RNF20: variants seen among roughly 807,000 people sequenced by gnomAD.
RNF20 encodes ring finger protein 20.
In RNF20, 84 loss-of-function variants were observed where a neutral mutation model predicts 126.2. That is an observed-to-expected ratio of 0.67 (90% CI 0.56 to 0.80). The LOEUF is 0.80. RNF20 is among the 30% of genes least tolerant of loss of function. The pLI is 0.00. For missense variants in RNF20, 869 were observed against 1,188.2 expected, an observed-to-expected ratio of 0.73 and a Z score of 3.95; for synonymous variants, 400 against 414.3, an observed-to-expected ratio of 0.97 and a Z score of 0.42.
At chr9:101,560,540 A>T (rs1382426566) in intron 16 of RNF20, 1 of 282,722 alleles carries the variant, frequency 3.5e-6, no homozygotes, top group African/African-American at 2.2e-5. Context: ...ATTAGCATGC[A>T]TTCTCTATTT....
At chr9:101,556,062 A>G (rs1448619741) in intron 15 of RNF20, among the ~76,000 whole-genome samples, 3 of 151,764 alleles carry the variant, frequency 2.0e-5, no homozygotes, top group Admixed American at 2.0e-4. Flanking sequence ...TTATACTATT[A>G]TAGGTTCTAG....
chr9:101,535,381 G>A lies in RNF20; in HGVS notation c.-26-17G>A, dbSNP rs554807190. On this transcript the variant is annotated splice_polypyrimidine_tract_variant and intron_variant, in intron 1 of 19. Transcript: ENST00000389120. ...GCTTACATATATTATGTCAGTTTCTGCCTTTTTTTCTATCAGGAAAACGAC... is the reference window on the plus strand; with the variant it reads ...GCTTACATATATTATGTCAGTTTCTACCTTTTTTTCTATCAGGAAAACGAC... 30 of 1,596,208 alleles carry A rather than the reference G, an allele frequency of 1.9e-5. No homozygotes were observed. In the South Asian group the frequency reaches 3.1e-4, roughly 16 times the overall value.
intron 5 of RNF20, among the ~76,000 whole-genome samples, chr9:101,543,542 A>AACTGTCTAACCTGCCAGGGCGGC (rs1273449381): frequency 9.1e-5 from 12 of 131,746 alleles, no homozygotes; most frequent in Non-Finnish European, 1.4e-4. Context: ...GCCAGAGCGG[A>AACTGTCTAACCTGCCAGGGCGGC]ACTGTCTAAC....
intron 14 of RNF20, 40 bp from the exon 15 acceptor site, chr9:101,554,654 T>C (rs1827503232): frequency 6.3e-7 from 1 of 1,582,830 alleles, no homozygotes; most frequent in Non-Finnish European, 8.6e-7. Flanking sequence ...GAAAATGTGT[T>C]ATAACTTTTT....
At chr9:101,535,330 C>G (rs1032124015) in intron 1 of RNF20, 68 bp from the exon 2 acceptor site, 1 of 1,302,282 alleles carries the variant, frequency 7.7e-7, no homozygotes, top group Non-Finnish European at 1.0e-6. Context: ...AGTTTTTACT[C>G]TATTGTTTTA....
Position 101,552,697 on chromosome 9 carries a change from T to G in RNF20, c.1845T>G (p.His615Gln), listed in dbSNP as rs745330248. Residue 615 changes from histidine (H) to glutamine (Q), a missense_variant, in exon 13 of 20, where the codon CAT (histidine) becomes CAG (glutamine). Coordinates refer to ENST00000389120, the MANE Select transcript of RNF20 (RefSeq NM_019592.7). ...CTAAGGATAAAGAGAAAGGCAAACA[T>G]GATGATGGACGGAAAAAGGAAGCAG... ...DSAKDKEKGK[H>Q]DDGRKKEAEI... 1.9e-6 allele frequency: 3 copies of G among 1,582,752 alleles called. No homozygotes were observed. The South Asian group carries it at 3.3e-5, about 18-fold the overall frequency.
chr9:101,538,608 C>T (rs1236625484), intron 2 of RNF20, among the ~76,000 whole-genome samples: 1 of 152,028 alleles, frequency 6.6e-6, no homozygotes, highest in Non-Finnish European at 1.5e-5. Context: ...GTTTCTCATC[C>T]AAGTTTCAGT....
Position 101,562,328 on chromosome 9 carries a change from G to A in RNF20, c.2834G>A (p.Cys945Tyr). The A allele has an allele frequency of 1.2e-6, 2 of 1,614,042 alleles. No homozygotes were observed. The highest frequency in any genetic ancestry group is 1.7e-6 in the Non-Finnish European group (2 of 1,179,956). ...TKCFHVFCFE[C>Y]VKTRYDTRQR... Reference sequence around the variant, plus strand: ...TGTTTTCATGTCTTCTGCTTTGAGTGTGTGAAGACACGCTATGACACCCGC... The same window carrying A: ...TGTTTTCATGTCTTCTGCTTTGAGTATGTGAAGACACGCTATGACACCCGC... The change falls in exon 20 of 20, where the codon TGT becomes TAT. Residue 945 changes from cysteine to tyrosine, a missense_variant. Coordinates refer to ENST00000389120, the MANE Select transcript of RNF20 (RefSeq NM_019592.7).
intron 18 of RNF20, 103 bp downstream of exon 18, chr9:101,561,333 C>T (rs1827626198): frequency 3.2e-6 from 4 of 1,251,586 alleles, no homozygotes; most frequent in Middle Eastern, 2.1e-4. Flanking sequence ...TCATTTCCTA[C>T]TAGACTTGAG....
At position 101,534,036 on chromosome 9, in the gene RNF20, G is replaced by T. The variant is rs190557169; in HGVS notation, c.-27+122G>T. ...AGGAGTCTCCACCCTCTCCAGTTTTGGGGCCGTCAGTCTCCTGGGCCTGCA... is the reference window on the plus strand; with the variant it reads ...AGGAGTCTCCACCCTCTCCAGTTTTTGGGCCGTCAGTCTCCTGGGCCTGCA... On this transcript the variant is annotated intron_variant, in intron 1 of 19. Coordinates refer to ENST00000389120, the MANE Select transcript of RNF20 (RefSeq NM_019592.7). 2.3e-3 allele frequency: 352 copies of T among 152,360 alleles called. 3 individuals are homozygous for T. Among genetic ancestry groups the T allele is most frequent in the African/African-American group, 8.1e-3 (335 of 41,542 alleles). 9.4% of individuals were successfully genotyped at this position (152,360 alleles called of 1,614,324 possible).
At chr9:101,546,784 G>T (rs1418481204) in intron 6 of RNF20, 36 bp from the exon 7 acceptor site, 11 of 1,605,668 alleles carry the variant, frequency 6.9e-6, no homozygotes, top group Middle Eastern at 1.7e-4. Flanking sequence ...GTCTTTTTTT[G>T]CTATATGTTT....
At chr9:101,554,224 A>T (rs1201007549) in intron 14 of RNF20, 119 bp downstream of exon 14, 5 of 604,868 alleles carry the variant, frequency 8.3e-6, no homozygotes, top group Non-Finnish European at 1.5e-5. Context: ...TTTAAGTGCA[A>T]CATTTTCTGC....
At chr9:101,550,332 T>C (rs1168645943) in intron 9 of RNF20, among the ~76,000 whole-genome samples, 1 of 152,218 alleles carries the variant, frequency 6.6e-6, no homozygotes. Flanking sequence ...CAAATTTCAC[T>C]CTTCTGGTGG....
At chr9:101,561,346 A>C (rs990019602) in intron 18 of RNF20, 116 bp downstream of exon 18, 1 of 1,113,220 alleles carries the variant, frequency 9.0e-7, no homozygotes, top group African/African-American at 1.6e-5. Flanking sequence ...GACTTGAGGA[A>C]GTTTGTTGAG....
chr9:101,563,028 G>A lies in RNF20; in HGVS notation c.*606G>A, dbSNP rs939427613. The A allele has an allele frequency of 6.6e-6, 1 of 152,104 alleles. No individual in the cohort carries two copies. Among genetic ancestry groups the A allele is most frequent in the Non-Finnish European group, 1.5e-5 (1 of 68,018 alleles). 9.4% of individuals were successfully genotyped at this position (152,104 alleles called of 1,614,324 possible). On this transcript the variant is annotated 3_prime_UTR_variant, in exon 20 of 20. Transcript: ENST00000389120. ...CTTGTTAAGATCAGCTGGCTTTCTT[G>A]TTAAAGTTATTTAAGTTTTGAATGC...
At chr9:101,552,317 T>C (rs1827460055) in intron 12 of RNF20, 55 bp downstream of exon 12, 3 of 1,612,614 alleles carry the variant, frequency 1.9e-6, no homozygotes, top group African/African-American at 2.7e-5. Flanking sequence ...TAAAGCTGCT[T>C]TTGAATGAGG....
At chr9:101,551,518 T>G (rs548672747) in intron 10 of RNF20, among the ~76,000 whole-genome samples, 166 bp from the exon 11 acceptor site, 1 of 152,344 alleles carries the variant, frequency 6.6e-6, no homozygotes, top group East Asian at 1.9e-4. Context: ...GGTGGCCATT[T>G]TCTTTATTTT....
At position 101,535,510 on chromosome 9, in the gene RNF20, G is replaced by A; in HGVS notation, c.87G>A (p.Gly29=). 1 of 1,613,776 alleles carries A rather than the reference G, an allele frequency of 6.2e-7. No individual in the cohort carries two copies. The part of the protein sequence containing the change: ...PEKKAAVEDS[G]TTVETIKLGG... ...AGAAGGCAGCTGTTGAAGATTCAGG[G>A]ACCACAGTGGAAACAATTAAGCTAG... Residue 29 remains glycine, a synonymous_variant, in exon 2 of 20, where the codon GGG becomes GGA. Coordinates refer to ENST00000389120, the MANE Select transcript of RNF20 (RefSeq NM_019592.7).
In RNF20 at chr9:101,558,715, G is replaced by A. The variant is rs552546251; in HGVS notation, c.2382+1119G>A. Among the ~76,000 whole-genome samples, 22 of 152,198 alleles carry A rather than the reference G, an allele frequency of 1.4e-4. No individual in the cohort carries two copies. In the South Asian group the frequency reaches 3.5e-3, roughly 24 times the overall value. On this transcript the variant is annotated intron_variant, in intron 16 of 19. Coordinates refer to ENST00000389120, the MANE Select transcript of RNF20 (RefSeq NM_019592.7). ...ATTTGTATATATTCTTTTGAGAATT[G>A]TATATTCATGTCCTTAGCCCACTTT...
Sources: allele counts gnomAD v4.1 joint callset (sites outside exome capture counted in the v4.1 genomes callset), GRCh38; gene constraint gnomAD v4.1.1; transcripts MANE v1.5; gene names NCBI Gene and HGNC (gene_info 2026-07-23, HGNC 2026-07-21).